Variants in AHCY observed in about 807,000 individuals in gnomAD.
AHCY encodes adenosylhomocysteinase.
A neutral mutation model predicts 45.4 loss-of-function variants in AHCY; 24 were observed. The observed-to-expected ratio is 0.53, with a 90% confidence interval of 0.38 to 0.74. AHCY has a LOEUF of 0.74. Ranked by LOEUF, AHCY falls within the 30% of genes least tolerant of loss-of-function variation. The probability of loss-of-function intolerance (pLI) is 0.00; values close to 1 mark genes in which losing one functional copy is unlikely to be tolerated. For missense variants in AHCY, 449 were observed against 594.1 expected, an observed-to-expected ratio of 0.76 and a Z score of 2.54; for synonymous variants, 245 against 235.1, an observed-to-expected ratio of 1.04 and a Z score of -0.39.
intron 1 of AHCY, among the ~76,000 whole-genome samples, chr20:34,310,287 C>T (rs1270610218): frequency 1.3e-5 from 2 of 152,116 alleles, no homozygotes; most frequent in African/African-American, 4.8e-5. Flanking sequence ...TCTTGAACGC[C>T]TGACCTCGTG....
Position 34,285,481 on chromosome 20 carries a change from G to A in AHCY, c.1126C>T (p.Pro376Ser), listed in dbSNP as rs766568837. The A allele has an allele frequency of 1.9e-6, 3 of 1,614,082 alleles. No homozygotes were observed. Among genetic ancestry groups the A allele is most frequent in the African/African-American group, 2.7e-5 (2 of 75,048 alleles). Reference protein sequence around the residue: ...VMAQIELWTHPDKYPVGVHFL... With the variant: ...VMAQIELWTHSDKYPVGVHFL... ...TGAACCCCAACGGGGTACTTGTCTG[G>A]ATGGGTCCACAGCTCGATCTGCGCC... Residue 376 changes from proline to serine, a missense_variant, in exon 9 of 10, where the codon CCA becomes TCA. Transcript: ENST00000217426.
the AHCY span, among the ~76,000 whole-genome samples, chr20:34,258,949 G>A: frequency 7.0e-6 from 1 of 142,888 alleles, no homozygotes; most frequent in Non-Finnish European, 1.5e-5. Flanking sequence ...TGGCTGAGTG[G>A]TGGCTCACTT....
intron 3 of AHCY, among the ~76,000 whole-genome samples, 164 bp from the exon 4 acceptor site, chr20:34,292,671 T>G (rs1052074988): frequency 6.6e-6 from 1 of 152,214 alleles, no homozygotes; most frequent in Non-Finnish European, 1.5e-5. Context: ...TGGAGCCAGA[T>G]AGATCTGAGT....
chr20:34,291,756 G>A (rs2036403226), intron 4 of AHCY, among the ~76,000 whole-genome samples: 1 of 152,106 alleles, frequency 6.6e-6, no homozygotes, highest in Admixed American at 6.6e-5. Context: ...ACAACTCCCA[G>A]CTTCTCTATT....
At chr20:34,246,297 C>G in the AHCY span, 1 of 1,546,840 alleles carries the variant, frequency 6.5e-7, no homozygotes, top group African/African-American at 1.4e-5. Flanking sequence ...GTTCCTTGAC[C>G]CTCACTAATT....
intron 9 of AHCY, chr20:34,281,510 T>A (rs1302517418): frequency 5.4e-6 from 2 of 368,266 alleles, no homozygotes; most frequent in Non-Finnish European, 5.3e-6. Flanking sequence ...GACAAGGTGC[T>A]CCAACCCCAC....
chr20:34,259,719 T>C, the AHCY span, among the ~76,000 whole-genome samples: 1 of 151,394 alleles, frequency 6.6e-6, no homozygotes, highest in East Asian at 1.9e-4. Flanking sequence ...CACTGCACTC[T>C]AGCCTGGGCA....
intron 1 of AHCY, chr20:34,302,508 A>G: frequency 1.4e-6 from 1 of 737,542 alleles, no homozygotes; most frequent in Non-Finnish European, 1.7e-6. Context: ...GATTCTCATC[A>G]TAAAATGAGA....
At chr20:34,260,291 C>A in the AHCY span, 1 of 1,459,160 alleles carries the variant, frequency 6.9e-7, no homozygotes, top group Non-Finnish European at 9.3e-7. Flanking sequence ...CCCAAAGAAG[C>A]ACAAAGAAAG....
the AHCY span, among the ~76,000 whole-genome samples, chr20:34,243,765 A>G: frequency 6.6e-6 from 1 of 151,650 alleles, no homozygotes; most frequent in Admixed American, 6.6e-5. Context: ...ATTTAAAAAA[A>G]AAAAAAAAAA....
At chr20:34,289,840 C>G (rs369138772) in intron 8 of AHCY, among the ~76,000 whole-genome samples, 1 of 152,084 alleles carries the variant, frequency 6.6e-6, no homozygotes, top group Non-Finnish European at 1.5e-5. Context: ...AGGCTAGTCT[C>G]GAACTCCTGG....
At chr20:34,243,642 C>T in the AHCY span, among the ~76,000 whole-genome samples, 10 of 151,192 alleles carry the variant, frequency 6.6e-5, no homozygotes, top group Admixed American at 4.6e-4. Context: ...CAGATAGTCT[C>T]GATGGATAAA....
chr20:34,302,927 C>T (rs2036829441), intron 1 of AHCY: 1 of 985,470 alleles, frequency 1.0e-6, no homozygotes, highest in Non-Finnish European at 1.2e-6. Flanking sequence ...CAGGGTCCGG[C>T]AGGTGCCAGC....
the AHCY span, among the ~76,000 whole-genome samples, chr20:34,271,225 A>C: frequency 4.6e-5 from 7 of 152,112 alleles, no homozygotes; most frequent in Non-Finnish European, 1.0e-4. Context: ...TACAGGTATG[A>C]GCCACCACGC....
intron 1 of AHCY, chr20:34,302,546 A>G: frequency 2.2e-6 from 2 of 900,438 alleles, no homozygotes; most frequent in Non-Finnish European, 2.7e-6. Context: ...CCATGAGACT[A>G]GAATAAAGCT....
At chr20:34,300,761 G>A (rs908512018) in intron 1 of AHCY, among the ~76,000 whole-genome samples, 6 of 152,234 alleles carry the variant, frequency 3.9e-5, no homozygotes, top group African/African-American at 1.4e-4. Flanking sequence ...TTTGTCTTTT[G>A]AAAAGACCCC....
At chr20:34,309,426 G>C (rs2036926451) in intron 1 of AHCY, among the ~76,000 whole-genome samples, 1 of 152,136 alleles carries the variant, frequency 6.6e-6, no homozygotes, top group Admixed American at 6.6e-5. Context: ...TCAGCTACTT[G>C]TGAGTTGGAA....
At chr20:34,285,948 AC>A (rs1442094648) in intron 8 of AHCY, 1 of 350,118 alleles carries the variant, frequency 2.9e-6, no homozygotes, top group Non-Finnish European at 5.5e-6. Context: ...AAAAAAAAAT[AC>A]AAAAAATTAG....
At chr20:34,253,428 C>G in the AHCY span, among the ~76,000 whole-genome samples, 1 of 136,364 alleles carries the variant, frequency 7.3e-6, no homozygotes. Flanking sequence ...CTTTTCCCTA[C>G]GCTCTTATTT....
Sources: gnomAD v4.1 joint callset for allele counts (sites outside exome capture counted in the v4.1 genomes callset) on GRCh38, gnomAD v4.1.1 for gene constraint, MANE v1.5 for transcripts, NCBI Gene and HGNC (gene_info 2026-07-23, HGNC 2026-07-21) for gene names.